The following BFAR variants were observed in gnomAD, a reference collection of about 807,000 sequenced individuals.
BFAR encodes bifunctional apoptosis regulator, also known as RING finger protein 47.
BFAR carries 52 observed loss-of-function variants against 54.4 expected under a neutral mutation model. The ratio of observed to expected loss-of-function variants is 0.96; its 90% CI spans 0.77 to 1.21. The LOEUF is 1.21. Ranked by LOEUF, BFAR falls within the 50% of genes most tolerant of loss-of-function variation. The pLI is 0.00. For missense variants in BFAR, 571 were observed against 534.0 expected (o/e 1.07, Z -0.68); for synonymous variants, 215 against 204.3 (o/e 1.05, Z -0.45).
chr16:14,654,593 C>T (rs950121603), intron 4 of BFAR, among the ~76,000 whole-genome samples: 86 of 150,810 alleles, frequency 5.7e-4, no homozygotes, highest in African/African-American at 1.9e-3. Flanking sequence ...CTGCAACCTC[C>T]GCCTCCCAGG....
intron 5 of BFAR, among the ~76,000 whole-genome samples, chr16:14,660,447 T>C (rs1263640169): frequency 1.3e-5 from 2 of 151,804 alleles, no homozygotes; most frequent in African/African-American, 4.8e-5. Flanking sequence ...CCACCAAGCC[T>C]AGCTAATTTT....
At chr16:14,639,190 G>C (rs1216114073) in intron 1 of BFAR, among the ~76,000 whole-genome samples, 3 of 152,116 alleles carry the variant, frequency 2.0e-5, no homozygotes, top group Non-Finnish European at 4.4e-5. Context: ...TGTTGCCCAG[G>C]CTGGCAGGCT....
At chr16:14,654,256 C>T (rs1960057617) in intron 4 of BFAR, among the ~76,000 whole-genome samples, 1 of 151,704 alleles carries the variant, frequency 6.6e-6, no homozygotes, top group Non-Finnish European at 1.5e-5. Context: ...CGTGATCTGC[C>T]CGCCTCGGCC....
At chr16:14,653,251 G>C (rs763112378) in intron 4 of BFAR, among the ~76,000 whole-genome samples, 5 of 152,176 alleles carry the variant, frequency 3.3e-5, no homozygotes, top group Non-Finnish European at 5.9e-5. Flanking sequence ...ATAGCTCTCC[G>C]GCCAGCTTAC....
chr16:14,640,917 A>T (rs1959605354), intron 1 of BFAR, among the ~76,000 whole-genome samples: 1 of 152,200 alleles, frequency 6.6e-6, no homozygotes, highest in African/African-American at 2.4e-5. Flanking sequence ...CTCTCCAGAT[A>T]CCAGTTGTAG....
intron 4 of BFAR, among the ~76,000 whole-genome samples, chr16:14,653,329 T>G (rs1820356827): frequency 1.3e-5 from 2 of 151,870 alleles, no homozygotes; most frequent in South Asian, 4.2e-4. Context: ...TTTTTTTTAA[T>G]TTAATTTTTA....
intron 5 of BFAR, among the ~76,000 whole-genome samples, chr16:14,659,225 G>GTTTTTTTTTTTT (rs1295639386): frequency 4.2e-5 from 6 of 141,426 alleles, no homozygotes; most frequent in Non-Finnish European, 7.8e-5. Context: ...ATGCAATTTG[G>GTTTTTTTTTTTT]TTTTTTTTGT....
chr16:14,648,146 C>T (rs774083571), intron 2 of BFAR, among the ~76,000 whole-genome samples: 1 of 152,132 alleles, frequency 6.6e-6, no homozygotes, highest in East Asian at 1.9e-4. Flanking sequence ...CGCCATTGCA[C>T]TCCAGCCTGG....
In BFAR at chr16:14,661,933, C is replaced by T. The variant is rs558572676; in HGVS notation, c.825C>T (p.Leu275=). Residue 275 remains leucine, a synonymous_variant, in exon 6 of 8, where the codon CTC becomes CTT. Transcript: ENST00000261658. ...PGRSLFLLYA[L]KSSPRLSLLY... ...GGTCCCTGTTCCTGCTATACGCCCT[C>T]AAGAGCTCCCCCAGGCTGAGTCTGC... 6.2e-7 allele frequency: 1 copy of T among 1,614,186 alleles called. No individual in the cohort carries two copies. The highest frequency in any genetic ancestry group is 2.2e-5 in the East Asian group (1 of 44,874).
chr16:14,637,208 A>G (rs971187513), intron 1 of BFAR, among the ~76,000 whole-genome samples: 1 of 151,974 alleles, frequency 6.6e-6, no homozygotes, highest in Non-Finnish European at 1.5e-5. Flanking sequence ...GTGTGGTCAA[A>G]TGCTAGTTTG....
intron 6 of BFAR, among the ~76,000 whole-genome samples, chr16:14,664,618 G>C (rs137927274): frequency 1.3e-5 from 2 of 152,098 alleles, no homozygotes; most frequent in African/African-American, 4.8e-5. Context: ...TCTTGCCTCA[G>C]CCTCTAGAGT....
chr16:14,639,926 C>T (rs929574812), intron 1 of BFAR, among the ~76,000 whole-genome samples: 4 of 151,828 alleles, frequency 2.6e-5, no homozygotes, highest in African/African-American at 7.3e-5. Context: ...TGGGAGGTCG[C>T]GGTAGGCAGA....
rs79345307 is a variant in BFAR at position 14,668,112 on chromosome 16, G to A, written c.*285G>A. 0.012 allele frequency: 5,196 copies of A among 436,792 alleles called. 423 individuals are homozygous for A. In the East Asian group the frequency reaches 0.16, roughly 14 times the overall value. The allele number at this position is 436,792 out of a possible 1,614,324, so 27.1% of individuals were successfully genotyped here. A position where few individuals can be genotyped will look rare whatever the true frequency, so the allele number is the denominator to read the frequency against. ...GGGACTAGGAGGCTCAGTCCCCAAC[G>A]GCTGGCAAGACTCAGGGTCCTCAGT... On this transcript the variant is annotated 3_prime_UTR_variant, in exon 8 of 8. Transcript: ENST00000261658.
Position 14,651,215 on chromosome 16 carries a change from C to A in BFAR, c.638+1242C>A, listed in dbSNP as rs1365594920. ...AATCCAGGCTTCCAGAATTTCTGAC[C>A]CACCAGCTTCAAGTTGGGGTTCCCA... On this transcript the variant is annotated intron_variant, in intron 4 of 7. Transcript: ENST00000261658. Among the ~76,000 whole-genome samples the A allele has an allele frequency of 2.6e-5, 4 of 152,160 alleles. No homozygotes were observed. The East Asian group carries it at 7.7e-4, about 29-fold the overall frequency.
chr16:14,662,158 T>A, intron 6 of BFAR, 93 bp downstream of exon 6: 1 of 1,443,558 alleles, frequency 6.9e-7, no homozygotes, highest in Non-Finnish European at 9.6e-7. Context: ...TTCTTCAGTT[T>A]GACCCATGAA....
chr16:14,638,017 A>G (rs934357925), intron 1 of BFAR, among the ~76,000 whole-genome samples: 2 of 152,086 alleles, frequency 1.3e-5, no homozygotes, highest in African/African-American at 4.8e-5. Context: ...CAGTTAATAT[A>G]TAACGAGAGA....
Position 14,665,266 on chromosome 16 carries a change from C to T in BFAR, c.1160+195C>T, listed in dbSNP as rs188748806. Reference sequence around the variant, plus strand: ...TTTTGGGGGTGGGGGTTGTGGTGCTCATTGTTAAAAGTATTTTCCTATATG... The same window carrying T: ...TTTTGGGGGTGGGGGTTGTGGTGCTTATTGTTAAAAGTATTTTCCTATATG... On this transcript the variant is annotated intron_variant, in intron 7 of 7. Coordinates refer to ENST00000261658, the MANE Select transcript of BFAR (RefSeq NM_016561.3). The T allele has an allele frequency of 4.5e-4, 234 of 517,084 alleles. 1 individual carries two copies. The East Asian group carries it at 5.3e-3, about 12-fold the overall frequency. 32.0% of individuals were successfully genotyped at this position (517,084 alleles called of 1,614,324 possible). A position where few individuals can be genotyped will look rare whatever the true frequency, so the allele number is the denominator to read the frequency against.
At chr16:14,666,250 A>G (rs947721575) in intron 7 of BFAR, among the ~76,000 whole-genome samples, 2 of 152,182 alleles carry the variant, frequency 1.3e-5, no homozygotes, top group Admixed American at 1.3e-4. Flanking sequence ...CACATGGAAA[A>G]GAACAAAGGA....
chr16:14,640,295 G>A (rs1567484180), intron 1 of BFAR, among the ~76,000 whole-genome samples: 1 of 152,164 alleles, frequency 6.6e-6, no homozygotes, highest in African/African-American at 2.4e-5. Flanking sequence ...CACATTATGG[G>A]ACAGGGGATG....
Sources: allele counts gnomAD v4.1 joint callset (sites outside exome capture counted in the v4.1 genomes callset), GRCh38; gene constraint gnomAD v4.1.1; transcripts MANE v1.5; gene names NCBI Gene and HGNC (gene_info 2026-07-23, HGNC 2026-07-21).